The following TRAPPC8 variants were observed in gnomAD, a reference collection of about 807,000 sequenced individuals.
TRAPPC8 encodes general sporulation gene 1 homolog.
In TRAPPC8, 54 loss-of-function variants were observed where a neutral mutation model predicts 174.3. The observed-to-expected ratio is 0.31, with a 90% confidence interval of 0.25 to 0.39. The LOEUF is 0.39. Ranked by LOEUF, TRAPPC8 falls within the 10% of genes least tolerant of loss-of-function variation. The pLI is 1.00. For synonymous variants in TRAPPC8, 630 were observed against 579.9 expected (o/e 1.09, Z -1.24); for missense variants, 1,531 against 1,699.1 (o/e 0.90, Z 1.74).
At chr18:31,863,408 A>G (rs145060275) in intron 19 of TRAPPC8, among the ~76,000 whole-genome samples, 235 of 152,326 alleles carry the variant, frequency 1.5e-3, no homozygotes, top group Non-Finnish European at 2.8e-3. Context: ...TATATACATG[A>G]TATTTACTGC....
chr18:31,839,165 AC>A (rs2032943845), intron 27 of TRAPPC8, 146 bp downstream of exon 27: 1 of 616,084 alleles, frequency 1.6e-6, no homozygotes, highest in Admixed American at 3.8e-5. Context: ...CTAAACTTGA[AC>A]TGTTTAGTTC....
intron 19 of TRAPPC8, 22 bp from the exon 20 acceptor site, chr18:31,858,004 T>G (rs775447678): frequency 6.5e-7 from 1 of 1,545,258 alleles, no homozygotes. Flanking sequence ...GGAAAAAATA[T>G]TATTATTTGT....
intron 7 of TRAPPC8, 152 bp downstream of exon 7, chr18:31,908,602 C>G: frequency 1.0e-6 from 1 of 959,230 alleles, no homozygotes. Context: ...TAGAGTTGAA[C>G]AGAATTTCAT....
chr18:31,911,871 C>CA (rs35950290), intron 5 of TRAPPC8, among the ~76,000 whole-genome samples: 36,929 of 93,566 alleles, frequency 0.39, 6,032 homozygotes, highest in Middle Eastern at 0.52. Flanking sequence ...GATCCTGTCT[C>CA]AAAAAAAAAA....
rs1409352787 is a variant in TRAPPC8 at position 31,942,696 on chromosome 18, C to T, written c.69G>A (p.Leu23=). 1.9e-6 allele frequency: 3 copies of T among 1,608,220 alleles called. No individual in the cohort carries two copies. In the African/African-American group the frequency reaches 4.0e-5, roughly 22 times the overall value. ...TGAGCCGCTCGGCTTCGTCGCTGCA[C>T]AGCGCAGCGACACAGGGGACGAAGG... ...PDSFVPCVAA[L]CSDEAERLTR... Residue 23 remains leucine, a synonymous_variant, in exon 1 of 29, where the codon CTG becomes CTA. Coordinates refer to ENST00000283351, the MANE Select transcript of TRAPPC8 (RefSeq NM_014939.5).
At position 31,830,637 on chromosome 18, in the gene TRAPPC8, T is replaced by C. The variant is rs1471417969; in HGVS notation, c.*118A>G. 1 of 799,880 alleles carries C rather than the reference T, an allele frequency of 1.3e-6. No homozygotes were observed. Among genetic ancestry groups the C allele is most frequent in the Non-Finnish European group, 1.9e-6 (1 of 513,562 alleles). 49.5% of individuals were successfully genotyped at this position (799,880 alleles called of 1,614,324 possible). A position where few individuals can be genotyped will look rare whatever the true frequency, so the allele number is the denominator to read the frequency against. ...ATCAACAAAATGACAAGTCAAAGTA[T>C]TTTGCAGGGATCAGATATCAATCAA... On this transcript the variant is annotated 3_prime_UTR_variant, in exon 29 of 29. Transcript: ENST00000283351.
At chr18:31,867,089 C>T (rs2034623633) in intron 17 of TRAPPC8, 114 bp from the exon 18 acceptor site, 1 of 1,113,218 alleles carries the variant, frequency 9.0e-7, no homozygotes, top group East Asian at 2.7e-5. Context: ...TTTTAAAATG[C>T]CAATTAATTT....
intron 25 of TRAPPC8, among the ~76,000 whole-genome samples, chr18:31,848,957 C>T (rs1323418421): frequency 2.0e-5 from 3 of 151,642 alleles, no homozygotes; most frequent in African/African-American, 7.3e-5. Flanking sequence ...TTTTTTTTAA[C>T]AGGGTAAAAT....
chr18:31,925,190 GGTAA>G (rs775559614), intron 2 of TRAPPC8, among the ~76,000 whole-genome samples: 16 of 151,290 alleles, frequency 1.1e-4, no homozygotes, highest in South Asian at 4.2e-4. Flanking sequence ...AAAGATTTGA[GGTAA>G]GTGTCCAACA....
At chr18:31,846,074 T>C (rs2033387309) in intron 26 of TRAPPC8, among the ~76,000 whole-genome samples, 2 of 152,302 alleles carry the variant, frequency 1.3e-5, no homozygotes, top group South Asian at 2.1e-4. Flanking sequence ...TATAGAGATA[T>C]AGTTTCTCTA....
chr18:31,913,361 A>G lies in TRAPPC8; in HGVS notation c.771+8T>C, dbSNP rs752148106. The G allele has an allele frequency of 1.3e-5, 21 of 1,561,578 alleles. No individual in the cohort carries two copies. In the African/African-American group the frequency reaches 2.8e-4, roughly 21 times the overall value. The stretch of plus-strand genomic sequence containing the variant: ...TTGTGGTTTGCTTCATTTATTTTTT[A>G]CATATACCTGGTTTTGAATACTATT... On this transcript the variant is annotated splice_region_variant and intron_variant, in intron 5 of 28. Coordinates refer to ENST00000283351, the MANE Select transcript of TRAPPC8 (RefSeq NM_014939.5).
Position 31,846,708 on chromosome 18 carries a change from G to A in TRAPPC8, c.3837+8C>T, listed in dbSNP as rs897650603. The A allele has an allele frequency of 3.1e-6, 5 of 1,594,894 alleles. No individual in the cohort carries two copies. The highest frequency in any genetic ancestry group is 4.3e-6 in the Non-Finnish European group (5 of 1,167,792). On this transcript the variant is annotated splice_region_variant and intron_variant, in intron 26 of 28. Transcript: ENST00000283351. ...ACCAGAAAGCTCCAAAGCAAACTAT[G>A]TTATCACCTGTTTCTGAGGATATGA...
chr18:31,881,441 T>C lies in TRAPPC8; in HGVS notation c.1729-6737A>G, dbSNP rs146091308. On this transcript the variant is annotated intron_variant, in intron 12 of 28. Transcript: ENST00000283351. The stretch of plus-strand genomic sequence containing the variant: ...TGCTGGGATAACTGGGCTAACCATA[T>C]ACAGAAGAATGAAACTAGACCCCTA... Among the ~76,000 whole-genome samples, 5 of 152,188 alleles carry C rather than the reference T, an allele frequency of 3.3e-5. No homozygotes were observed. The East Asian group carries it at 9.6e-4, about 29-fold the overall frequency.
chr18:31,857,638 C>T lies in TRAPPC8; in HGVS notation c.3090G>A (p.Val1030=). 1 of 1,614,132 alleles carries T rather than the reference C, an allele frequency of 6.2e-7. No homozygotes were observed. The highest frequency in any genetic ancestry group is 8.5e-7 in the Non-Finnish European group (1 of 1,180,006). ...PDTVLLPGAS[V]QLPMWLRGPD... ...GCCCACGTAACCACATTGGCAGCTGCACTGAGGCTCCGGGTAGAAGAACAG... is the reference window on the plus strand; with the variant it reads ...GCCCACGTAACCACATTGGCAGCTGTACTGAGGCTCCGGGTAGAAGAACAG... The change falls in exon 20 of 29, where the codon GTG becomes GTA. Residue 1030 remains valine (V), a synonymous_variant. Transcript: ENST00000283351.
At chr18:31,896,137 G>C (rs1005399613) in intron 11 of TRAPPC8, 1 of 152,108 alleles carries the variant, frequency 6.6e-6, no homozygotes, top group Non-Finnish European at 1.5e-5. Context: ...GAAGAACAGA[G>C]ACACTTAGGA....
chr18:31,877,891 C>T (rs1184828699), intron 12 of TRAPPC8, among the ~76,000 whole-genome samples: 1 of 151,094 alleles, frequency 6.6e-6, no homozygotes, highest in Non-Finnish European at 1.5e-5. Context: ...CCATTGCACT[C>T]CAGCCTGGGT....
intron 20 of TRAPPC8, among the ~76,000 whole-genome samples, chr18:31,856,892 G>C (rs1347500034): frequency 7.1e-6 from 1 of 141,034 alleles, no homozygotes; most frequent in African/African-American, 2.7e-5. Flanking sequence ...GCTCTCTGTA[G>C]TCTTGACTTC....
rs1330833231 is a variant in TRAPPC8, at chr18:31,908,388, G to C, written c.1153C>G (p.Leu385Val). 1.9e-6 allele frequency: 3 copies of C among 1,602,292 alleles called. No homozygotes were observed. Among genetic ancestry groups the C allele is most frequent in the Non-Finnish European group, 2.6e-6 (3 of 1,174,538 alleles). The change falls in exon 8 of 29, where the codon CTA becomes GTA. Residue 385 changes from leucine (L) to valine (V), a missense_variant. Coordinates refer to ENST00000283351, the MANE Select transcript of TRAPPC8 (RefSeq NM_014939.5). ...LISRKGLSRS[L>V]FSATKKWFSG... ...AACCATTTTTTAGTTGCAGAAAATA[G>C]AGATCGACTCAAACCTTTTCTTGAT...
chr18:31,843,114 A>T (rs1199815784), intron 26 of TRAPPC8, among the ~76,000 whole-genome samples: 1 of 152,184 alleles, frequency 6.6e-6, no homozygotes, highest in Non-Finnish European at 1.5e-5. Flanking sequence ...AAATGTTTCT[A>T]AAACACTTTA....
Sources: allele counts gnomAD v4.1 joint callset (sites outside exome capture counted in the v4.1 genomes callset), GRCh38; gene constraint gnomAD v4.1.1; transcripts MANE v1.5; gene names NCBI Gene and HGNC (gene_info 2026-07-23, HGNC 2026-07-21).